The following DRC5 variants were observed in gnomAD, a reference collection of about 807,000 sequenced individuals.
DRC5 encodes dynein regulatory complex subunit 5, also known as T-complex-associated testis-expressed protein 1.
the DRC5 span, among the ~76,000 whole-genome samples, chr6:44,288,761 A>G: frequency 3.6e-3 from 548 of 152,248 alleles, 3 homozygotes; most frequent in African/African-American, 0.013. Flanking sequence ...TGGGAGGCCA[A>G]CGTGGGTGGG....
At chr6:44,289,022 A>AAAAAAAAAAAG in the DRC5 span, among the ~76,000 whole-genome samples, 7 of 136,564 alleles carry the variant, frequency 5.1e-5, no homozygotes, top group East Asian at 2.5e-4. Context: ...AAAAAAAAAA[A>AAAAAAAAAAAG]GAAAAACAGG....
chr6:44,286,676 G>T, the DRC5 span: 1 of 705,390 alleles, frequency 1.4e-6, no homozygotes, highest in Non-Finnish European at 2.4e-6. Flanking sequence ...TGCTCTCAGG[G>T]GGGCTCAAGC....
At chr6:44,290,467 G>A in the DRC5 span, among the ~76,000 whole-genome samples, 1 of 152,194 alleles carries the variant, frequency 6.6e-6, no homozygotes, top group African/African-American at 2.4e-5. Context: ...CCTGCTTCTT[G>A]AGTGCTGACC....
At chr6:44,279,147 A>G in the DRC5 span, 3 of 152,304 alleles carry the variant, frequency 2.0e-5, no homozygotes, top group African/African-American at 7.2e-5. Flanking sequence ...AGGATGGGCA[A>G]TGGCGCTCAG....
chr6:44,286,437 T>C, the DRC5 span: 34 of 1,614,036 alleles, frequency 2.1e-5, no homozygotes, highest in African/African-American at 3.6e-4. Context: ...TCACTGTCTA[T>C]CAGGTTGGCG....
At chr6:44,290,653 A>G in the DRC5 span, among the ~76,000 whole-genome samples, 1 of 152,154 alleles carries the variant, frequency 6.6e-6, no homozygotes, top group African/African-American at 2.4e-5. Flanking sequence ...TTTGGCCTAA[A>G]ACATTCTATA....
the DRC5 span, among the ~76,000 whole-genome samples, chr6:44,281,641 T>C: frequency 6.6e-6 from 1 of 152,228 alleles, no homozygotes; most frequent in Non-Finnish European, 1.5e-5. Context: ...CACCTCAGCC[T>C]CCCAAAGTGC....
the DRC5 span, chr6:44,286,216 CG>C: frequency 1.9e-6 from 3 of 1,611,684 alleles, no homozygotes; most frequent in Non-Finnish European, 2.5e-6. Context: ...GCTGCACCGG[CG>C]GAAGGAACTG....
the DRC5 span, among the ~76,000 whole-genome samples, chr6:44,297,441 A>T: frequency 5.3e-5 from 8 of 152,014 alleles, no homozygotes; most frequent in Non-Finnish European, 1.2e-4. Flanking sequence ...GGTGGGGAGG[A>T]GGCGCGGGGC....
the DRC5 span, chr6:44,286,413 G>T: frequency 1.9e-6 from 3 of 1,614,064 alleles, no homozygotes; most frequent in Non-Finnish European, 2.5e-6. Flanking sequence ...ATGCAGCAGC[G>T]GAGCCAGTAG....
At chr6:44,294,273 C>T in the DRC5 span, among the ~76,000 whole-genome samples, 2 of 152,150 alleles carry the variant, frequency 1.3e-5, no homozygotes, top group African/African-American at 2.4e-5. Context: ...TGAGCCACTG[C>T]ACCCAGCCTA....
At chr6:44,289,862 G>C in the DRC5 span, among the ~76,000 whole-genome samples, 69 of 152,332 alleles carry the variant, frequency 4.5e-4, no homozygotes, top group African/African-American at 1.6e-3. Flanking sequence ...TCCTCCTCCA[G>C]GCAGTTTCCC....
the DRC5 span, among the ~76,000 whole-genome samples, chr6:44,295,930 G>A: frequency 6.6e-6 from 1 of 152,160 alleles, no homozygotes; most frequent in Non-Finnish European, 1.5e-5. Flanking sequence ...TTCATATAGT[G>A]CTGGGCCCAG....
chr6:44,285,599 A>G, the DRC5 span, among the ~76,000 whole-genome samples: 1 of 152,344 alleles, frequency 6.6e-6, no homozygotes, highest in Admixed American at 6.5e-5. Flanking sequence ...TACATCTGGC[A>G]ACCCTATTCT....
At chr6:44,282,775 G>A in the DRC5 span, among the ~76,000 whole-genome samples, 1 of 151,018 alleles carries the variant, frequency 6.6e-6, no homozygotes, top group Non-Finnish European at 1.5e-5. Context: ...TGCTGGGTAT[G>A]CTGCTTGGGT....
the DRC5 span, among the ~76,000 whole-genome samples, chr6:44,288,599 A>G: frequency 6.6e-6 from 1 of 152,206 alleles, no homozygotes; most frequent in Non-Finnish European, 1.5e-5. Context: ...GATCCGTAGG[A>G]TGGGGTTGAG....
chr6:44,284,704 C>T, the DRC5 span, among the ~76,000 whole-genome samples: 1 of 152,158 alleles, frequency 6.6e-6, no homozygotes, highest in Non-Finnish European at 1.5e-5. Flanking sequence ...CCTCCCTGTG[C>T]CAGTGTGGCC....
chr6:44,286,995 A>G, the DRC5 span, among the ~76,000 whole-genome samples: 2 of 152,188 alleles, frequency 1.3e-5, no homozygotes, highest in Non-Finnish European at 2.9e-5. Flanking sequence ...TCCCTTTTGG[A>G]GTTTACATTC....
chr6:44,294,511 G>A, the DRC5 span, among the ~76,000 whole-genome samples: 159 of 151,962 alleles, frequency 1.0e-3, 5 homozygotes, highest in South Asian at 0.02. Flanking sequence ...TTGGGAGGTC[G>A]AGGAGGGTGG....
Sources: gnomAD v4.1 joint callset for allele counts (sites outside exome capture counted in the v4.1 genomes callset) on GRCh38, gnomAD v4.1.1 for gene constraint, MANE v1.5 for transcripts, NCBI Gene and HGNC (gene_info 2026-07-23, HGNC 2026-07-21) for gene names.